The following COL23A1 variants were observed in gnomAD, a reference collection of about 807,000 sequenced individuals.
COL23A1 encodes collagen type XXIII alpha 1 chain.
In COL23A1, 97 loss-of-function variants were observed where a neutral mutation model predicts 99.3. The observed-to-expected ratio is 0.98, with a 90% CI of 0.83 to 1.16. The LOEUF is 1.16. Among genes scored for constraint, COL23A1 ranks in the 50% most tolerant of loss-of-function variants. The pLI, the probability that COL23A1 is intolerant of heterozygous loss-of-function variation, is 0.00. For synonymous variants in COL23A1, 320 were observed against 308.2 expected (o/e 1.04, Z -0.40); for missense variants, 762 against 757.4 (o/e 1.01, Z -0.07).
chr5:178,553,638 T>G (rs1236595405), intron 2 of COL23A1, among the ~76,000 whole-genome samples: 9 of 152,204 alleles, frequency 5.9e-5, no homozygotes, highest in Admixed American at 5.9e-4. Context: ...TAGTAACAAG[T>G]GCAAACAGCG....
At chr5:178,242,296 C>T (rs753449742) in intron 26 of COL23A1, 45 bp downstream of exon 26, 1 of 1,598,786 alleles carries the variant, frequency 6.3e-7, no homozygotes, top group African/African-American at 1.3e-5. Flanking sequence ...CACCTGCCTC[C>T]TTCCCCCTCT....
intron 27 of COL23A1, among the ~76,000 whole-genome samples, chr5:178,239,902 C>A (rs911519631): frequency 2.0e-5 from 3 of 152,220 alleles, no homozygotes; most frequent in Non-Finnish European, 2.9e-5. Context: ...TGCTGAGAGC[C>A]GTGTGGCTTC....
chr5:178,334,453 C>T (rs1760212313), intron 2 of COL23A1, among the ~76,000 whole-genome samples: 1 of 152,252 alleles, frequency 6.6e-6, no homozygotes, highest in South Asian at 2.1e-4. Flanking sequence ...CCTCTTCGTG[C>T]CTCTGGTTCC....
intron 1 of COL23A1, chr5:178,562,215 C>A: frequency 2.9e-6 from 1 of 347,218 alleles, no homozygotes; most frequent in Non-Finnish European, 5.8e-6. Flanking sequence ...GCACTCCAGC[C>A]TGGATGCCAG....
intron 2 of COL23A1, among the ~76,000 whole-genome samples, chr5:178,338,682 T>C (rs1760490657): frequency 6.7e-6 from 1 of 148,992 alleles, no homozygotes; most frequent in South Asian, 2.2e-4. Context: ...AGAAGTCGGC[T>C]TGTGTTTGGT....
chr5:178,441,718 G>A (rs780645737), intron 2 of COL23A1, among the ~76,000 whole-genome samples: 2 of 152,072 alleles, frequency 1.3e-5, no homozygotes, highest in Admixed American at 6.5e-5. Flanking sequence ...ACGGGGTGAC[G>A]ACGCGGGGTG....
chr5:178,497,171 C>A (rs1758241091), intron 2 of COL23A1, among the ~76,000 whole-genome samples: 1 of 152,140 alleles, frequency 6.6e-6, no homozygotes, highest in Admixed American at 6.5e-5. Context: ...AGGATCCCAC[C>A]CACTACATAG....
intron 3 of COL23A1, among the ~76,000 whole-genome samples, chr5:178,299,038 C>T (rs540933684): frequency 1.3e-5 from 2 of 152,216 alleles, no homozygotes; most frequent in Admixed American, 1.3e-4. Flanking sequence ...GTTTATAATC[C>T]TTTTGCTGGA....
chr5:178,257,485 G>T (rs1322986783), intron 13 of COL23A1, 38 bp downstream of exon 13: 2 of 1,557,732 alleles, frequency 1.3e-6, no homozygotes, highest in African/African-American at 2.7e-5. Flanking sequence ...CATGGGAGGT[G>T]GGGGCAGGGG....
At chr5:178,356,150 C>G (rs1761636926) in intron 2 of COL23A1, among the ~76,000 whole-genome samples, 1 of 152,154 alleles carries the variant, frequency 6.6e-6, no homozygotes, top group African/African-American at 2.4e-5. Flanking sequence ...TAAGAAATGT[C>G]CAGAATAGGC....
chr5:178,247,794 G>A lies in COL23A1; in HGVS notation c.1250C>T (p.Pro417Leu). The A allele has an allele frequency of 6.2e-7, 1 of 1,612,512 alleles. No homozygotes were observed. The change falls in exon 21 of 29, where the codon CCT (proline) becomes CTT (leucine). Residue 417 changes from proline to leucine, a missense_variant. Coordinates refer to ENST00000390654, the MANE Select transcript of COL23A1 (RefSeq NM_173465.4). ...CCTTACCATCGGGCCTGGGGGGCCA[G>A]GGGGGCCAGGGGGCCCTGGCTCCAC... Reference protein sequence around the residue: ...LIVEPGPPGPPGPPGPMGLQG... With the variant: ...LIVEPGPPGPLGPPGPMGLQG...
intron 2 of COL23A1, among the ~76,000 whole-genome samples, chr5:178,398,253 A>G (rs942505297): frequency 3.3e-5 from 5 of 152,234 alleles, no homozygotes; most frequent in African/African-American, 4.8e-5. Context: ...TGGCGTTCAG[A>G]TGTGAACAGT....
At chr5:178,458,936 A>G (rs1755954021) in intron 2 of COL23A1, among the ~76,000 whole-genome samples, 1 of 152,212 alleles carries the variant, frequency 6.6e-6, no homozygotes, top group South Asian at 2.1e-4. Flanking sequence ...GAATCTATTA[A>G]ATGACACCAC....
intron 2 of COL23A1, among the ~76,000 whole-genome samples, chr5:178,412,653 T>C (rs531942735): frequency 6.6e-6 from 1 of 152,342 alleles, no homozygotes; most frequent in Non-Finnish European, 1.5e-5. Flanking sequence ...TACATAAAAG[T>C]GCACGTATCA....
chr5:178,443,451 A>T (rs1766992600), intron 2 of COL23A1, among the ~76,000 whole-genome samples: 1 of 152,084 alleles, frequency 6.6e-6, no homozygotes, highest in African/African-American at 2.4e-5. Flanking sequence ...AGTTCTGTAA[A>T]TTTTTTGTTG....
At chr5:178,302,855 G>T (rs1331633669) in intron 3 of COL23A1, among the ~76,000 whole-genome samples, 1 of 152,228 alleles carries the variant, frequency 6.6e-6, no homozygotes, top group African/African-American at 2.4e-5. Context: ...CAAGCCTTGG[G>T]TATGGTGCTT....
rs933759139 is a variant in COL23A1, at chr5:178,255,317, T to C, written c.883-291A>G. Among the ~76,000 whole-genome samples, 6 of 151,870 alleles carry C rather than the reference T, an allele frequency of 4.0e-5. No homozygotes were observed. The highest frequency in any genetic ancestry group is 1.5e-4 in the African/African-American group (6 of 41,318). Reference sequence around the variant, plus strand: ...GCAAATGGAAAGCCTGATTTTGATGTGACGCTCTTCAGATTTTTCAATGTT... The same window carrying C: ...GCAAATGGAAAGCCTGATTTTGATGCGACGCTCTTCAGATTTTTCAATGTT... On this transcript the variant is annotated intron_variant, in intron 15 of 28. Transcript: ENST00000390654. The surrounding 1 kb of genome is among the most constrained non-coding windows in gnomAD (Gnocchi z 4.2).
intron 2 of COL23A1, among the ~76,000 whole-genome samples, chr5:178,516,350 C>T (rs1759513949): frequency 6.6e-6 from 1 of 152,352 alleles, no homozygotes; most frequent in African/African-American, 2.4e-5. Flanking sequence ...ACATCCCACC[C>T]GCACCCAGCT....
intron 2 of COL23A1, among the ~76,000 whole-genome samples, chr5:178,510,882 G>A (rs1264093681): frequency 2.0e-5 from 3 of 152,036 alleles, no homozygotes; most frequent in African/African-American, 4.8e-5. Context: ...ATGCTGAAGC[G>A]TGGCACATCC....
Sources: gnomAD v4.1 joint callset for allele counts (sites outside exome capture counted in the v4.1 genomes callset) on GRCh38, gnomAD v4.1.1 for gene constraint, Gnocchi (gnomAD v3.1) non-coding constraint, MANE v1.5 for transcripts, NCBI Gene and HGNC (gene_info 2026-07-23, HGNC 2026-07-21) for gene names.